Variants in PTPRB observed in about 807,000 individuals in gnomAD.
PTPRB encodes the protein receptor-type tyrosine-protein phosphatase beta.
A neutral mutation model predicts 238.1 loss-of-function variants in PTPRB; 97 were observed. The observed-to-expected ratio is 0.41, with a 90% confidence interval of 0.35 to 0.48. The LOEUF (loss-of-function observed/expected upper bound fraction) is 0.48, where lower values mean the gene tolerates loss of function less well. Ranked by LOEUF, PTPRB falls within the 20% of genes least tolerant of loss-of-function variation. The pLI is 0.30. For missense variants in PTPRB, 2,292 were observed against 2,681.9 expected (o/e 0.85, Z 3.21); for synonymous variants, 970 against 995.4 (o/e 0.97, Z 0.48).
At chr12:70,583,529 C>T (rs1194929552) in intron 9 of PTPRB, among the ~76,000 whole-genome samples, 2 of 151,464 alleles carry the variant, frequency 1.3e-5, no homozygotes, top group African/African-American at 4.9e-5. Context: ...GCTGAAGAAA[C>T]TCATAGCTGA....
chr12:70,626,659 A>C lies in PTPRB; in HGVS notation c.452-4013T>G, dbSNP rs190098150. Among the ~76,000 whole-genome samples the C allele has an allele frequency of 1.4e-4, 21 of 152,190 alleles. 1 individual carries two copies. The East Asian group carries it at 4.1e-3, about 29-fold the overall frequency. On this transcript the variant is annotated intron_variant, in intron 2 of 33. Coordinates refer to ENST00000334414, the MANE Select transcript of PTPRB (RefSeq NM_001109754.4). ...GTATATAGGAGGATGTGTGTAGGTT[A>C]TATGTAAACACTACATCTTTTTATA... is the stretch of plus-strand genomic sequence containing the variant.
chr12:70,541,778 T>C (rs1232211319), intron 22 of PTPRB: 2 of 152,236 alleles, frequency 1.3e-5, no homozygotes, highest in African/African-American at 2.4e-5. Context: ...ATCCATGTTA[T>C]AGCATATACC....
chr12:70,523,611 C>A (rs913918163), intron 33 of PTPRB, among the ~76,000 whole-genome samples: 1 of 152,106 alleles, frequency 6.6e-6, no homozygotes, highest in Non-Finnish European at 1.5e-5. Flanking sequence ...TAGCAGGCAT[C>A]CTCAGCTAGG....
chr12:70,554,020 T>A (rs1032507556), intron 20 of PTPRB, among the ~76,000 whole-genome samples: 3 of 152,226 alleles, frequency 2.0e-5, no homozygotes, highest in African/African-American at 7.2e-5. Context: ...AGCAAAACAC[T>A]GTCTTCATTG....
Position 70,552,917 on chromosome 12 carries a change from G to C in PTPRB, c.5247C>G (p.Ser1749Arg), listed in dbSNP as rs1309340886. The C allele has an allele frequency of 6.2e-7, 1 of 1,613,934 alleles. No homozygotes were observed. The highest frequency in any genetic ancestry group is 1.1e-5 in the South Asian group (1 of 91,076). The change falls in exon 21 of 34, where the codon AGC becomes AGG. Residue 1749 changes from serine to arginine, a missense_variant. Transcript: ENST00000334414. ...TGCTGTTAGGATTTTCGGCACATTT[G>C]CTGGCAAAATAATTAGTCTGATACA... is the stretch of plus-strand genomic sequence containing the variant. ...IRVYQTNYFA[S>R]KCAENPNSNS...
At chr12:70,528,802 A>G (rs895857974) in intron 32 of PTPRB, among the ~76,000 whole-genome samples, 1 of 152,246 alleles carries the variant, frequency 6.6e-6, no homozygotes, top group African/African-American at 2.4e-5. Context: ...CTTAAAAAAT[A>G]TAAGAAGTCA....
intron 25 of PTPRB, 59 bp downstream of exon 25, chr12:70,539,768 T>A (rs1265763422): frequency 1.3e-6 from 2 of 1,594,776 alleles, no homozygotes; most frequent in African/African-American, 2.7e-5. Context: ...GTGCCATAAC[T>A]ATTCTGACTC....
At chr12:70,605,608 G>A (rs926549495) in intron 4 of PTPRB, among the ~76,000 whole-genome samples, 1 of 152,172 alleles carries the variant, frequency 6.6e-6, no homozygotes, top group Non-Finnish European at 1.5e-5. Flanking sequence ...TGAATGAAGT[G>A]GTATTCCAGT....
intron 4 of PTPRB, among the ~76,000 whole-genome samples, chr12:70,598,329 G>A (rs1883204348): frequency 6.6e-6 from 1 of 152,118 alleles, no homozygotes; most frequent in South Asian, 2.1e-4. Flanking sequence ...AACTGTATCT[G>A]GCACGTAGTA....
In PTPRB at chr12:70,557,631, G is replaced by C. The variant is rs139340932; in HGVS notation, c.4715-1483C>G. On this transcript the variant is annotated intron_variant, in intron 18 of 33. Transcript: ENST00000334414. Reference sequence around the variant, plus strand: ...AGCACCTGCGAGGCTGTTGGGAAAGGCAGTCTCATGTGCATAGTCTATCAA... The same window carrying C: ...AGCACCTGCGAGGCTGTTGGGAAAGCCAGTCTCATGTGCATAGTCTATCAA... Among the ~76,000 whole-genome samples, 702 of 152,286 alleles carry C rather than the reference G, an allele frequency of 4.6e-3. 1 individual carries two copies. The highest frequency in any genetic ancestry group is 7.7e-3 in the Non-Finnish European group (525 of 68,038).
At chr12:70,532,767 G>A (rs1873485740) in intron 31 of PTPRB, among the ~76,000 whole-genome samples, 1 of 151,842 alleles carries the variant, frequency 6.6e-6, no homozygotes, top group South Asian at 2.1e-4. Context: ...TCAGCCTCCT[G>A]AGTAGCTGGG....
chr12:70,538,867 A>G, intron 27 of PTPRB, 57 bp downstream of exon 27: 1 of 1,390,088 alleles, frequency 7.2e-7, no homozygotes, highest in Non-Finnish European at 1.0e-6. Context: ...ATTTTTGGAG[A>G]AAAATGCAGA....
intron 32 of PTPRB, among the ~76,000 whole-genome samples, chr12:70,526,061 A>G (rs773213857): frequency 3.7e-4 from 57 of 152,126 alleles, no homozygotes; most frequent in Non-Finnish European, 7.4e-5. Flanking sequence ...CTCACTAACA[A>G]TCTTTCCAAG....
rs549710199 is a variant in PTPRB, at chr12:70,576,575, C to A, written c.2649G>T (p.Leu883=). 78 of 1,549,116 alleles carry A rather than the reference C, an allele frequency of 5.0e-5. 1 individual carries two copies. In the South Asian group the frequency reaches 8.6e-4, roughly 17 times the overall value. Residue 883 remains leucine, a synonymous_variant, in exon 11 of 34, where the codon CTG becomes CTT. Transcript: ENST00000334414. ...AGTTATCCACATCTCCGGGCGCCAG[C>A]AGCCAGGAAACGCTGAGGTAGTCAT... The part of the protein sequence containing the change: ...GRNDYLSVSW[L]LAPGDVDNYE...
At chr12:70,570,134 A>G (rs1879850702) in intron 13 of PTPRB, among the ~76,000 whole-genome samples, 196 bp from the exon 14 acceptor site, 1 of 152,148 alleles carries the variant, frequency 6.6e-6, no homozygotes, top group Admixed American at 6.5e-5. Flanking sequence ...GGGGGAAGTC[A>G]AAGCCGGTGA....
intron 18 of PTPRB, among the ~76,000 whole-genome samples, chr12:70,557,252 C>G (rs1565939211): frequency 1.3e-5 from 2 of 152,144 alleles, no homozygotes; most frequent in Non-Finnish European, 2.9e-5. Context: ...ATGGTTGAAG[C>G]ATATTTGTGA....
chr12:70,618,052 A>G (rs1190101527), intron 3 of PTPRB, among the ~76,000 whole-genome samples: 1 of 152,200 alleles, frequency 6.6e-6, no homozygotes, highest in African/African-American at 2.4e-5. Flanking sequence ...TTAATAGCTA[A>G]AACTATTGAA....
intron 20 of PTPRB, among the ~76,000 whole-genome samples, 169 bp downstream of exon 20, chr12:70,554,991 G>A (rs1364599623): frequency 6.6e-6 from 1 of 152,184 alleles, no homozygotes; most frequent in East Asian, 1.9e-4. Flanking sequence ...AAGAGCCTTT[G>A]AGCAGCTTTT....
At chr12:70,635,549 G>A in intron 2 of PTPRB, 122 bp downstream of exon 2, 2 of 1,224,910 alleles carry the variant, frequency 1.6e-6, no homozygotes, top group East Asian at 2.5e-5. Flanking sequence ...TCTTCCATAG[G>A]AAATATGTTG....
Sources: allele counts gnomAD v4.1 joint callset (sites outside exome capture counted in the v4.1 genomes callset), GRCh38; gene constraint gnomAD v4.1.1; transcripts MANE v1.5; gene names NCBI Gene and HGNC (gene_info 2026-07-23, HGNC 2026-07-21).